SHLD1: variants seen among roughly 807,000 people sequenced by gnomAD.
The protein encoded by SHLD1 is RINN1-REV7-interacting novel NHEJ regulator 3.
A neutral mutation model predicts 5.5 loss-of-function variants in SHLD1; 3 were observed. That is an observed-to-expected ratio of 0.54 (90% confidence interval 0.25 to 1.40). The LOEUF (loss-of-function observed/expected upper bound fraction) is 1.40, where lower values mean the gene tolerates loss of function less well. Among genes scored for constraint, SHLD1 ranks in the 40% most tolerant of loss-of-function variants. The pLI, the probability that SHLD1 is intolerant of heterozygous loss-of-function variation, is 0.15. For missense variants in SHLD1, 210 were observed against 244.4 expected, an observed-to-expected ratio of 0.86 and a Z score of 0.94; for synonymous variants, 92 against 94.3, an observed-to-expected ratio of 0.98 and a Z score of 0.14.
At position 5,846,886 on chromosome 20, in the gene SHLD1, T is replaced by C. The variant is rs145885550; in HGVS notation, c.179-16138T>C. Among the ~76,000 whole-genome samples the C allele has an allele frequency of 1.3e-3, 203 of 152,308 alleles. 1 individual carries two copies. The highest frequency in any genetic ancestry group is 4.8e-3 in the African/African-American group (200 of 41,572). On this transcript the variant is annotated intron_variant, in intron 2 of 2. Transcript: ENST00000303142. ...TTGCAAAATGCAAAACCACGCTGTT[T>C]TAAAACAAGCCTCGGGGTAAGCCTC...
rs150128122 is a variant in SHLD1 at position 5,790,670 on chromosome 20, T to G, written c.178+17627T>G. 5.5e-3 allele frequency among the ~76,000 whole-genome samples: 841 copies of G among 152,030 alleles called. 6 individuals carry two copies. The highest frequency in any genetic ancestry group is 0.019 in the African/African-American group (774 of 41,480). On this transcript the variant is annotated intron_variant, in intron 2 of 2. Coordinates refer to ENST00000303142, the MANE Select transcript of SHLD1 (RefSeq NM_152504.4). ...GGTTTCACCGTGTTGGCCAGGCTGGTCTTGAACTCCTGACCTCAGGTGATC... is the reference window on the plus strand; with the variant it reads ...GGTTTCACCGTGTTGGCCAGGCTGGGCTTGAACTCCTGACCTCAGGTGATC...
intron 2 of SHLD1, among the ~76,000 whole-genome samples, chr20:5,794,382 A>G (rs1014688930): frequency 6.6e-6 from 1 of 152,192 alleles, no homozygotes; most frequent in African/African-American, 2.4e-5. Context: ...CAGGAGTCTA[A>G]GACTTCCACT....
chr20:5,784,097 G>A (rs189384991), intron 2 of SHLD1, among the ~76,000 whole-genome samples: 287 of 151,704 alleles, frequency 1.9e-3, no homozygotes, highest in Middle Eastern at 0.014. Flanking sequence ...GTTGCAGTGA[G>A]CCGAGATGGC....
At chr20:5,778,406 C>T (rs976350337) in intron 2 of SHLD1, among the ~76,000 whole-genome samples, 5 of 151,086 alleles carry the variant, frequency 3.3e-5, no homozygotes, top group Admixed American at 3.3e-4. Context: ...AGTTTGAGAC[C>T]AGCCTGGACA....
At chr20:5,792,679 T>A (rs6053703) in intron 2 of SHLD1, among the ~76,000 whole-genome samples, 10,272 of 142,980 alleles carry the variant, frequency 0.072, 1,201 homozygotes, top group African/African-American at 0.25. Flanking sequence ...TTCTTTTTTT[T>A]AAAAAAAAAA....
chr20:5,756,135 C>T lies in SHLD1; in HGVS notation c.-5+5656C>T, dbSNP rs1339186103. On this transcript the variant is annotated intron_variant, in intron 1 of 2. Coordinates refer to ENST00000303142, the MANE Select transcript of SHLD1 (RefSeq NM_152504.4). ...GAAAAGTATAAGGAGGCATCTCTGA[C>T]CCCCCTTTCCATCATCGCCTGAACT... 2.6e-5 allele frequency among the ~76,000 whole-genome samples: 4 copies of T among 151,952 alleles called. 1 individual carries two copies. In the South Asian group the frequency reaches 6.2e-4, roughly 24 times the overall value.
At chr20:5,786,591 AAAAG>A (rs1470495004) in intron 2 of SHLD1, among the ~76,000 whole-genome samples, 13 of 71,438 alleles carry the variant, frequency 1.8e-4, no homozygotes, top group East Asian at 1.6e-3. Context: ...ATTAAAAAAA[AAAAG>A]AAAAGAAAAA....
In SHLD1 at chr20:5,769,953, G is replaced by C. The variant is rs897415509; in HGVS notation, c.-4-2909G>C. Among the ~76,000 whole-genome samples, 3 of 144,336 alleles carry C rather than the reference G, an allele frequency of 2.1e-5. 1 individual carries two copies. The highest frequency in any genetic ancestry group is 7.3e-5 in the Admixed American group (1 of 13,658). The allele number at this position is 144,336 out of a possible 152,430, so 94.7% of individuals were successfully genotyped here. A position where few individuals can be genotyped will look rare whatever the true frequency, so the allele number is the denominator to read the frequency against. ...CAGGAGGCGGAGGTTGCAGTGAGCC[G>C]AGATTGTGCCATTGCACTCCAGCCT... On this transcript the variant is annotated intron_variant, in intron 1 of 2. Transcript: ENST00000303142.
chr20:5,843,916 C>G (rs529547991), intron 2 of SHLD1, among the ~76,000 whole-genome samples: 4 of 152,356 alleles, frequency 2.6e-5, no homozygotes, highest in African/African-American at 9.6e-5. Flanking sequence ...ACAAATGCAT[C>G]CCAAACCCAT....
intron 2 of SHLD1, among the ~76,000 whole-genome samples, chr20:5,812,864 CTTTTTA>C (rs1225117134): frequency 6.6e-6 from 1 of 152,012 alleles, no homozygotes; most frequent in Admixed American, 6.6e-5. Flanking sequence ...CTTTAAGGGG[CTTTTTA>C]TTTTTATTTT....
At chr20:5,840,314 T>A (rs1187264569) in intron 2 of SHLD1, among the ~76,000 whole-genome samples, 1 of 152,194 alleles carries the variant, frequency 6.6e-6, no homozygotes, top group Non-Finnish European at 1.5e-5. Context: ...CAATCCCCTT[T>A]TAGCTTGATT....
At chr20:5,783,317 C>G (rs1314957228) in intron 2 of SHLD1, among the ~76,000 whole-genome samples, 1 of 152,146 alleles carries the variant, frequency 6.6e-6, no homozygotes, top group African/African-American at 2.4e-5. Flanking sequence ...CTCCGCCTCC[C>G]AGTTTCAAGG....
At chr20:5,820,797 A>G (rs1449306316) in intron 2 of SHLD1, among the ~76,000 whole-genome samples, 1 of 152,240 alleles carries the variant, frequency 6.6e-6, no homozygotes, top group Non-Finnish European at 1.5e-5. Context: ...TTGATGTACA[A>G]GCTTTAGCTT....
chr20:5,763,638 C>G (rs1161903555), intron 1 of SHLD1, among the ~76,000 whole-genome samples: 1 of 152,124 alleles, frequency 6.6e-6, no homozygotes, highest in African/African-American at 2.4e-5. Flanking sequence ...CCACTTTTCC[C>G]TTTTAAATAT....
At chr20:5,860,876 TAAAAAAA>T (rs10555301) in intron 2 of SHLD1, among the ~76,000 whole-genome samples, 7 of 100,786 alleles carry the variant, frequency 6.9e-5, no homozygotes, top group South Asian at 4.0e-4. Flanking sequence ...TACTATTCTT[TAAAAAAA>T]AAAAAAAAAA....
intron 2 of SHLD1, among the ~76,000 whole-genome samples, chr20:5,785,514 G>C (rs1389130661): frequency 6.6e-6 from 1 of 152,094 alleles, no homozygotes. Flanking sequence ...TTAAGCTTTA[G>C]GCCAGGCACG....
rs189596889 is a variant in SHLD1 at position 5,798,679 on chromosome 20, G to A, written c.178+25636G>A. ...GTCGCCCAGGCTGGAGTGCAGTGGC[G>A]AGAGCTCGGCTCACTGCAAGCTCCG... On this transcript the variant is annotated intron_variant, in intron 2 of 2. Transcript: ENST00000303142. 1.9e-4 allele frequency among the ~76,000 whole-genome samples: 28 copies of A among 149,998 alleles called. 1 individual carries two copies. The East Asian group carries it at 3.4e-3, about 18-fold the overall frequency.
chr20:5,812,534 C>T (rs1472451460), intron 2 of SHLD1, among the ~76,000 whole-genome samples: 1 of 152,150 alleles, frequency 6.6e-6, no homozygotes, highest in African/African-American at 2.4e-5. Context: ...TCTTGTAAGA[C>T]AACAGAGCCA....
At chr20:5,852,014 C>A (rs2088016860) in intron 2 of SHLD1, among the ~76,000 whole-genome samples, 1 of 151,922 alleles carries the variant, frequency 6.6e-6, no homozygotes, top group Admixed American at 6.6e-5. Context: ...ACACCCCACT[C>A]TCTCTCTTGC....
Sources: allele counts gnomAD v4.1 joint callset (sites outside exome capture counted in the v4.1 genomes callset), GRCh38; gene constraint gnomAD v4.1.1; transcripts MANE v1.5; gene names NCBI Gene and HGNC (gene_info 2026-07-23, HGNC 2026-07-21).